The following RIN2 variants were observed in gnomAD, a reference collection of about 807,000 sequenced individuals.
RIN2 encodes the protein Ras and Rab interactor 2.
Under a neutral mutation model 78.0 loss-of-function variants are expected in RIN2, and 36 were observed. That is an observed-to-expected ratio of 0.46 (90% confidence interval 0.35 to 0.61). The LOEUF is 0.61. Ranked by LOEUF, RIN2 falls within the 20% of genes least tolerant of loss-of-function variation. The pLI, the probability that RIN2 is intolerant of heterozygous loss-of-function variation, is 0.00. For missense variants in RIN2, 1,087 were observed against 1,159.7 expected, an observed-to-expected ratio of 0.94 and a Z score of 0.91; for synonymous variants, 466 against 466.8, an observed-to-expected ratio of 1.00 and a Z score of 0.02.
chr20:19,991,390 C>A (rs1350827497), intron 10 of RIN2, among the ~76,000 whole-genome samples: 1 of 152,202 alleles, frequency 6.6e-6, no homozygotes, highest in Non-Finnish European at 1.5e-5. Flanking sequence ...AAGCACAGTT[C>A]CTCAACACAC....
At chr20:19,869,937 C>T (rs1027733263) in intron 2 of RIN2, among the ~76,000 whole-genome samples, 3 of 152,200 alleles carry the variant, frequency 2.0e-5, no homozygotes, top group East Asian at 1.9e-4. Flanking sequence ...CGTGAGCCAC[C>T]TCACGGGGCC....
chr20:19,920,304 A>T (rs1034531460), intron 3 of RIN2, among the ~76,000 whole-genome samples: 1 of 151,934 alleles, frequency 6.6e-6, no homozygotes, highest in Non-Finnish European at 1.5e-5. Flanking sequence ...TCAAAAAAAA[A>T]AAAAAAAAGG....
At chr20:19,847,575 A>T (rs994486807) in intron 2 of RIN2, among the ~76,000 whole-genome samples, 5 of 152,206 alleles carry the variant, frequency 3.3e-5, no homozygotes, top group Non-Finnish European at 7.3e-5. Flanking sequence ...CCCAGAATAC[A>T]TGGCACTGTC....
At chr20:19,940,804 C>T (rs1407797706) in intron 4 of RIN2, among the ~76,000 whole-genome samples, 1 of 152,236 alleles carries the variant, frequency 6.6e-6, no homozygotes, top group East Asian at 1.9e-4. Flanking sequence ...AGGTTCCACC[C>T]TCATCATCAC....
At chr20:19,876,759 T>C (rs1042627536) in intron 2 of RIN2, among the ~76,000 whole-genome samples, 1 of 151,840 alleles carries the variant, frequency 6.6e-6, no homozygotes, top group African/African-American at 2.4e-5. Context: ...ACAAAAATTA[T>C]CTGGGTGTGG....
chr20:19,797,659 A>G (rs1293383208), intron 1 of RIN2, among the ~76,000 whole-genome samples: 1 of 152,178 alleles, frequency 6.6e-6, no homozygotes, highest in East Asian at 1.9e-4. Flanking sequence ...GAGTAGTCCT[A>G]TCTGTGTGTG....
chr20:19,798,917 T>G (rs2122695168), intron 1 of RIN2, among the ~76,000 whole-genome samples: 1 of 151,192 alleles, frequency 6.6e-6, no homozygotes, highest in South Asian at 2.1e-4. Context: ...TTTTTTTTTT[T>G]GAAATGGAGT....
At chr20:19,854,544 C>T (rs1290548893) in intron 2 of RIN2, among the ~76,000 whole-genome samples, 1 of 152,184 alleles carries the variant, frequency 6.6e-6, no homozygotes, top group Non-Finnish European at 1.5e-5. Context: ...TTTGTGTCCT[C>T]TTTTGTTTCG....
At chr20:19,973,617 C>A (rs892873362) in intron 8 of RIN2, among the ~76,000 whole-genome samples, 2 of 152,014 alleles carry the variant, frequency 1.3e-5, no homozygotes, top group African/African-American at 2.4e-5. Context: ...GGTGAAACCC[C>A]GTCTCTCCTA....
chr20:19,772,080 C>A (rs139773952), intron 1 of RIN2, among the ~76,000 whole-genome samples: 9 of 152,324 alleles, frequency 5.9e-5, no homozygotes, highest in Non-Finnish European at 1.0e-4. Context: ...ACCCAGGCTT[C>A]TCTCAGATAC....
chr20:19,794,882 T>C (rs2035005254), intron 1 of RIN2, among the ~76,000 whole-genome samples: 1 of 152,168 alleles, frequency 6.6e-6, no homozygotes, highest in African/African-American at 2.4e-5. Flanking sequence ...CCTTCATAAA[T>C]TTGGCTTTCC....
intron 3 of RIN2, among the ~76,000 whole-genome samples, chr20:19,890,400 G>T (rs2038393783): frequency 6.6e-6 from 1 of 151,880 alleles, no homozygotes; most frequent in Non-Finnish European, 1.5e-5. Context: ...TCGAATTAAG[G>T]CATCCTCAGT....
intron 3 of RIN2, among the ~76,000 whole-genome samples, chr20:19,907,967 T>C (rs946572132): frequency 2.0e-4 from 30 of 152,292 alleles, no homozygotes; most frequent in African/African-American, 6.7e-4. Context: ...CAATGGACAA[T>C]GCCAGCCATC....
chr20:19,936,299 G>T (rs2040641330), intron 4 of RIN2, among the ~76,000 whole-genome samples: 1 of 152,200 alleles, frequency 6.6e-6, no homozygotes, highest in South Asian at 2.1e-4. Flanking sequence ...CTTGACCTCA[G>T]TGTGAAAGTC....
chr20:19,778,131 G>T (rs1235267386), intron 1 of RIN2, among the ~76,000 whole-genome samples: 1 of 152,228 alleles, frequency 6.6e-6, no homozygotes, highest in East Asian at 1.9e-4. Context: ...AGAGGGCGTT[G>T]CCCCGGGTGT....
chr20:19,984,128 A>G (rs542546877), intron 9 of RIN2, among the ~76,000 whole-genome samples: 2 of 151,428 alleles, frequency 1.3e-5, no homozygotes, highest in Admixed American at 1.3e-4. Context: ...GTTCTCACTC[A>G]TAGGTGGGAA....
chr20:19,848,084 G>A (rs2036842117), intron 2 of RIN2, among the ~76,000 whole-genome samples: 3 of 152,164 alleles, frequency 2.0e-5, no homozygotes, highest in African/African-American at 7.2e-5. Flanking sequence ...TAAAAGCAAG[G>A]GGGAGGGAGG....
At chr20:19,953,138 A>AT (rs56885040) in intron 4 of RIN2, among the ~76,000 whole-genome samples, 14,839 of 151,658 alleles carry the variant, frequency 0.098, 1,682 homozygotes, top group African/African-American at 0.27. Context: ...CCCCTGGGGA[A>AT]TTTTTTTTTC....
At chr20:19,906,478 T>C in intron 3 of RIN2, among the ~76,000 whole-genome samples, 1 of 152,006 alleles carries the variant, frequency 6.6e-6, no homozygotes, top group South Asian at 2.1e-4. Context: ...AGGAATGAAT[T>C]CATCAGAGGT....
Sources: allele counts gnomAD v4.1 joint callset (sites outside exome capture counted in the v4.1 genomes callset), GRCh38; gene constraint gnomAD v4.1.1; transcripts MANE v1.5; gene names NCBI Gene and HGNC (gene_info 2026-07-23, HGNC 2026-07-21).